The following FANCD2 variants were observed in gnomAD, a reference collection of about 807,000 sequenced individuals.
FANCD2 encodes Fanconi anemia group D2 protein.
In FANCD2, 131 loss-of-function variants were observed where a neutral mutation model predicts 192.3. The observed-to-expected ratio is 0.68, with a 90% CI of 0.59 to 0.79. The LOEUF (loss-of-function observed/expected upper bound fraction) is 0.79. Ranked by LOEUF, FANCD2 falls within the 30% of genes least tolerant of loss-of-function variation. FANCD2 has a pLI of 0.00. For synonymous variants in FANCD2, 524 were observed against 612.5 expected, an observed-to-expected ratio of 0.86 and a Z score of 2.13; for missense variants, 1,508 against 1,701.6, an observed-to-expected ratio of 0.89 and a Z score of 2.00.
intron 19 of FANCD2, among the ~76,000 whole-genome samples, chr3:10,061,048 T>C (rs1319049428): frequency 6.6e-6 from 1 of 152,206 alleles, no homozygotes; most frequent in East Asian, 1.9e-4. Flanking sequence ...GTCTGCCTTT[T>C]TTCATGGTGC....
At position 10,043,084 on chromosome 3, in the gene FANCD2, A is replaced by G; in HGVS notation, c.923A>G (p.Gln308Arg). ...ISELREKLDLQHCVLPSRLQA... is the reference protein window; with the variant it reads ...ISELREKLDLRHCVLPSRLQA... ...GAGCTTCGGGAGAAGTTGGATCTGCAGCATTGTGTTTTGCCATCACGGTTA... is the reference window on the plus strand; with the variant it reads ...GAGCTTCGGGAGAAGTTGGATCTGCGGCATTGTGTTTTGCCATCACGGTTA... The change falls in exon 12 of 44, where the codon CAG becomes CGG. Residue 308 changes from glutamine to arginine, a missense_variant. This residue lies in a region of FANCD2 where 435 missense variants were observed against 421.9 expected (regional missense o/e 1.03). Coordinates refer to ENST00000675286, the MANE Select transcript of FANCD2 (RefSeq NM_001018115.3). The G allele has an allele frequency of 1.2e-6, 2 of 1,614,130 alleles. No individual in the cohort carries two copies. Among genetic ancestry groups the G allele is most frequent in the Non-Finnish European group, 1.7e-6 (2 of 1,180,018 alleles).
At position 10,087,296 on chromosome 3, in the gene FANCD2, T is replaced by G. The variant is rs766103472; in HGVS notation, c.3466+32T>G. The G allele has an allele frequency of 2.8e-5, 44 of 1,583,774 alleles. 1 individual carries two copies. The African/African-American group carries it at 5.2e-4, about 19-fold the overall frequency. On this transcript the variant is annotated intron_variant, in intron 34 of 43. Transcript: ENST00000675286. ...GGCCTAGATCCTTTTTTTTTTTTTT[T>G]TTTTAATGAATAGGACTAATATCTC...
rs763986919 is a variant in FANCD2, at chr3:10,065,942, G to T, written c.2348G>T (p.Cys783Phe). ...SMSAKERSFM[C>F]SLIFLTLNWF... is the part of the protein sequence containing the mutation. ...TCTGCTAAAGAGCGTTCATTCATGT[G>T]TTCTCTCATATTTCTTACTCTCAAC... Residue 783 changes from cysteine to phenylalanine, a missense_variant, in exon 25 of 44, where the codon TGT (cysteine) becomes TTT (phenylalanine). Physicochemically the swap from Cys to Phe is radical, Grantham distance 205. Transcript: ENST00000675286. 1.9e-6 allele frequency: 3 copies of T among 1,613,170 alleles called. No homozygotes were observed. The highest frequency in any genetic ancestry group is 2.5e-6 in the Non-Finnish European group (3 of 1,179,128).
chr3:10,032,815 A>G lies in FANCD2; in HGVS notation c.65-17A>G. On this transcript the variant is annotated splice_polypyrimidine_tract_variant and intron_variant, in intron 2 of 43. Coordinates refer to ENST00000675286, the MANE Select transcript of FANCD2 (RefSeq NM_001018115.3). ...CTTTACTATTTGCCATATTCTTGAA[A>G]ATTTTTCTATTTTCAGAAACCAGGA... 1 of 1,607,908 alleles carries G rather than the reference A, an allele frequency of 6.2e-7. No homozygotes were observed. The highest frequency in any genetic ancestry group is 8.5e-7 in the Non-Finnish European group (1 of 1,175,654).
intron 43 of FANCD2, among the ~76,000 whole-genome samples, chr3:10,100,839 G>A (rs1317414249): frequency 6.6e-6 from 1 of 152,166 alleles, no homozygotes; most frequent in Non-Finnish European, 1.5e-5. Flanking sequence ...GGAGGCTGAG[G>A]CAGGCAGATC....
intron 43 of FANCD2, 136 bp downstream of exon 43, chr3:10,098,951 C>T (rs559093929): frequency 6.2e-7 from 1 of 1,614,204 alleles, no homozygotes; most frequent in Non-Finnish European, 8.5e-7. Flanking sequence ...CCCTCCATAA[C>T]AGCTTCTGTG....
At chr3:10,068,019 G>A (rs749325183) in intron 26 of FANCD2, among the ~76,000 whole-genome samples, 34 of 152,016 alleles carry the variant, frequency 2.2e-4, no homozygotes, top group South Asian at 1.0e-3. Context: ...TAGATCCATA[G>A]CTACTATTAA....
rs151283886 is a variant in FANCD2 at position 10,059,584 on chromosome 3, C to T, written c.1657-710C>T. On this transcript the variant is annotated intron_variant, in intron 18 of 43. Coordinates refer to ENST00000675286, the MANE Select transcript of FANCD2 (RefSeq NM_001018115.3). Reference sequence around the variant, plus strand: ...TTGGGAGGCCAAGACAGGCGGATCACGAGGTCAGGAGATCGAGACCATCCT... The same window carrying T: ...TTGGGAGGCCAAGACAGGCGGATCATGAGGTCAGGAGATCGAGACCATCCT... Among the ~76,000 whole-genome samples the T allele has an allele frequency of 1.8e-3, 275 of 152,194 alleles. 2 individuals carry two copies. The highest frequency in any genetic ancestry group is 6.2e-3 in the African/African-American group (259 of 41,508).
rs1008230511 is a variant in FANCD2 at position 10,096,482 on chromosome 3, G to A, written c.4185+10G>A. The A allele has an allele frequency of 9.3e-6, 15 of 1,613,410 alleles. No homozygotes were observed. Among genetic ancestry groups the A allele is most frequent in the Non-Finnish European group, 1.2e-5 (14 of 1,179,414 alleles). ...AAACCGGGACTTGCAGGTAAGCCTT[G>A]GATCCTGCTAGTGATAATCCCCTAC... On this transcript the variant is annotated intron_variant, in intron 42 of 43. Coordinates refer to ENST00000675286, the MANE Select transcript of FANCD2 (RefSeq NM_001018115.3).
chr3:10,046,710 C>G lies in FANCD2; in HGVS notation c.1265C>G (p.Ser422Cys), dbSNP rs765378218. ...IQEQLLQSTF[S>C]VHYLVLKDMC... is the part of the protein sequence containing the mutation. ...GAACAGCTGCTCCAGAGTACATTCTCTGTTCATTACTTAGTAAGTGTCAGA... is the reference window on the plus strand; with the variant it reads ...GAACAGCTGCTCCAGAGTACATTCTGTGTTCATTACTTAGTAAGTGTCAGA... The change falls in exon 15 of 44, where the codon TCT becomes TGT. Residue 422 changes from serine to cysteine, a missense_variant. By Grantham distance (112) the Ser-to-Cys change is moderately radical. This residue lies in a region of FANCD2 where 108 missense variants were observed against 174.1 expected (regional missense o/e 0.62). Transcript: ENST00000675286. 86 of 1,603,010 alleles carry G rather than the reference C, an allele frequency of 5.4e-5. No homozygotes were observed. In the Middle Eastern group the frequency reaches 1.3e-3, roughly 25 times the overall value.
chr3:10,078,368 A>G (rs1377845813), intron 30 of FANCD2, among the ~76,000 whole-genome samples, 171 bp downstream of exon 30: 5 of 151,876 alleles, frequency 3.3e-5, no homozygotes, highest in Non-Finnish European at 5.9e-5. Context: ...TTATTTATTT[A>G]TTTAGAGATG....
At chr3:10,060,024 G>A (rs1290898491) in intron 18 of FANCD2, among the ~76,000 whole-genome samples, 4 of 151,932 alleles carry the variant, frequency 2.6e-5, no homozygotes, top group Non-Finnish European at 5.9e-5. Context: ...AAAATAAGCC[G>A]GGCATGGTGG....
chr3:10,042,531 A>G (rs753077060), intron 10 of FANCD2, 28 bp from the exon 11 acceptor site: 6 of 1,553,446 alleles, frequency 3.9e-6, no homozygotes, highest in South Asian at 1.1e-5. Context: ...ATGAAAACCT[A>G]TTAAGTTTCT....
intron 3 of FANCD2, among the ~76,000 whole-genome samples, chr3:10,034,006 T>C (rs1316530720): frequency 3.3e-5 from 5 of 149,866 alleles, no homozygotes; most frequent in African/African-American, 1.2e-4. Context: ...CAAAGCTAAG[T>C]CTTTTATGTG....
chr3:10,069,708 C>T (rs1693068611), intron 26 of FANCD2, among the ~76,000 whole-genome samples: 1 of 152,160 alleles, frequency 6.6e-6, no homozygotes, highest in Non-Finnish European at 1.5e-5. Context: ...GAGTGATCCG[C>T]TAGCCTCAGC....
Position 10,060,279 on chromosome 3 carries a change from A to G in FANCD2, c.1657-15A>G, listed in dbSNP as rs753419823. ...CATTCCAGCATTTTCATCTTTCTTC[A>G]TCATCTCATTGCAGGATGACATGCA... On this transcript the variant is annotated splice_polypyrimidine_tract_variant and intron_variant, in intron 18 of 43. Transcript: ENST00000675286. The G allele has an allele frequency of 9.5e-6, 15 of 1,576,092 alleles. No homozygotes were observed. The highest frequency in any genetic ancestry group is 5.0e-5 in the Admixed American group (3 of 59,882).
At chr3:10,046,986 C>T (rs949686735) in intron 15 of FANCD2, among the ~76,000 whole-genome samples, 1 of 152,294 alleles carries the variant, frequency 6.6e-6, no homozygotes, top group Admixed American at 6.5e-5. Context: ...AAATATGTAC[C>T]TATTTGAACT....
At chr3:10,039,388 A>C in intron 8 of FANCD2, 31 bp downstream of exon 8, 1 of 1,529,234 alleles carries the variant, frequency 6.5e-7, no homozygotes, top group Non-Finnish European at 9.1e-7. Flanking sequence ...TCTTGAATTT[A>C]AAGAGTATGT....
In FANCD2 at chr3:10,065,497, A is replaced by G. The variant is rs1246708998; in HGVS notation, c.2269+3A>G. Reference sequence around the variant, plus strand: ...GGAGGAGATTGATGGTCTACTAGGTATGGGATGAAGTCATCAGATCCTTTC... The same window carrying G: ...GGAGGAGATTGATGGTCTACTAGGTGTGGGATGAAGTCATCAGATCCTTTC... On this transcript the variant is annotated splice_donor_region_variant and intron_variant, in intron 24 of 43. Coordinates refer to ENST00000675286, the MANE Select transcript of FANCD2 (RefSeq NM_001018115.3). 3.8e-6 allele frequency: 6 copies of G among 1,581,036 alleles called. No individual in the cohort carries two copies. The highest frequency in any genetic ancestry group is 4.3e-6 in the Non-Finnish European group (5 of 1,149,880).
Sources: allele counts gnomAD v4.1 joint callset (sites outside exome capture counted in the v4.1 genomes callset), GRCh38; gene constraint gnomAD v4.1.1; regional missense constraint gnomAD v4.1.1; transcripts MANE v1.5; gene names NCBI Gene and HGNC (gene_info 2026-07-23, HGNC 2026-07-21).